SLC39A8: variants seen among roughly 807,000 people sequenced by gnomAD.
The protein encoded by SLC39A8 is metal cation symporter ZIP8.
Under a neutral mutation model 40.4 loss-of-function variants are expected in SLC39A8, and 15 were observed. That is an observed-to-expected ratio of 0.37 (90% CI 0.25 to 0.57). SLC39A8 has a LOEUF of 0.57. Ranked by LOEUF, SLC39A8 falls within the 20% of genes least tolerant of loss-of-function variation. The pLI is 0.75. For missense variants in SLC39A8, 472 were observed against 558.8 expected (o/e 0.84, Z 1.57); for synonymous variants, 223 against 221.6 (o/e 1.01, Z -0.06).
intron 6 of SLC39A8, among the ~76,000 whole-genome samples, chr4:102,284,360 G>T (rs1206202950): frequency 6.6e-6 from 1 of 152,286 alleles, no homozygotes; most frequent in African/African-American, 2.4e-5. Flanking sequence ...GTAACTCTAT[G>T]ATGTTGGGCT....
intron 3 of SLC39A8, 27 bp from the exon 4 acceptor site, chr4:102,307,632 G>A (rs1313782686): frequency 6.2e-7 from 1 of 1,601,558 alleles, no homozygotes; most frequent in Non-Finnish European, 8.5e-7. Flanking sequence ...AAAGAGAGTA[G>A]AAATTAATCA....
chr4:102,259,397 T>C, downstream of SLC39A8: 1 of 1,191,644 alleles, frequency 8.4e-7, no homozygotes, highest in Non-Finnish European at 1.2e-6. Flanking sequence ...ATTAAGCCAT[T>C]GTATAAACTT....
At chr4:102,279,617 G>A (rs771612459) in intron 6 of SLC39A8, among the ~76,000 whole-genome samples, 16 of 152,112 alleles carry the variant, frequency 1.1e-4, no homozygotes, top group Non-Finnish European at 1.8e-4. Context: ...AAATACAGAA[G>A]GTATTGTCGA....
At chr4:102,278,639 G>T (rs1218304447) in intron 6 of SLC39A8, among the ~76,000 whole-genome samples, 1 of 152,090 alleles carries the variant, frequency 6.6e-6, no homozygotes, top group African/African-American at 2.4e-5. Context: ...CTATTACTGG[G>T]TATATACCCA....
In SLC39A8 at chr4:102,293,053, C is replaced by T. The variant is rs1733522561; in HGVS notation, c.840+11264G>A. Among the ~76,000 whole-genome samples, 3 of 151,902 alleles carry T rather than the reference C, an allele frequency of 2.0e-5. No individual in the cohort carries two copies. The South Asian group carries it at 6.2e-4, about 32-fold the overall frequency. The stretch of plus-strand genomic sequence containing the variant: ...ATGTTACTAATTAACACCTAATGAA[C>T]AATGTATAATTCAAAAATGACACAA... On this transcript the variant is annotated intron_variant, in intron 6 of 8. Coordinates refer to ENST00000356736, the MANE Select transcript of SLC39A8 (RefSeq NM_001135146.2).
chr4:102,304,674 T>A (rs747211804), intron 5 of SLC39A8, among the ~76,000 whole-genome samples, 193 bp from the exon 6 acceptor site: 3 of 151,892 alleles, frequency 2.0e-5, no homozygotes, highest in Non-Finnish European at 4.4e-5. Flanking sequence ...CTGCTGTTAC[T>A]GTTTGTTCGT....
At chr4:102,324,648 G>T (rs1371197978) in intron 2 of SLC39A8, among the ~76,000 whole-genome samples, 1 of 152,082 alleles carries the variant, frequency 6.6e-6, no homozygotes, top group Non-Finnish European at 1.5e-5. Context: ...TGCATGCCAG[G>T]TACATAGCAA....
intron 2 of SLC39A8, among the ~76,000 whole-genome samples, chr4:102,328,525 G>A (rs1370759786): frequency 4.0e-5 from 6 of 151,866 alleles, no homozygotes; most frequent in Admixed American, 3.9e-4. Flanking sequence ...AGGTTATGTT[G>A]GTTTAAAATT....
chr4:102,311,665 A>G (rs568965327), intron 3 of SLC39A8, among the ~76,000 whole-genome samples: 1 of 152,244 alleles, frequency 6.6e-6, no homozygotes, highest in Admixed American at 6.5e-5. Flanking sequence ...TCTCCTAGAG[A>G]ATTTAACTTA....
chr4:102,288,717 G>A (rs949362803), intron 6 of SLC39A8, among the ~76,000 whole-genome samples: 1 of 152,228 alleles, frequency 6.6e-6, no homozygotes, highest in South Asian at 2.1e-4. Context: ...TGAGTGGTTT[G>A]GATAGAAGAT....
intron 6 of SLC39A8, among the ~76,000 whole-genome samples, chr4:102,282,157 G>T (rs181757735): frequency 6.6e-6 from 1 of 152,200 alleles, no homozygotes; most frequent in Non-Finnish European, 1.5e-5. Context: ...TGCCAAAGAA[G>T]CTAAGCCTGT....
At chr4:102,320,228 A>ATATATAT (rs1560560989) in intron 2 of SLC39A8, among the ~76,000 whole-genome samples, 7 of 132,898 alleles carry the variant, frequency 5.3e-5, no homozygotes, top group African/African-American at 2.1e-4. Flanking sequence ...TATATGTATG[A>ATATATAT]GTATATATAT....
In SLC39A8 at chr4:102,253,791, A is replaced by G. The variant is rs188711368; in HGVS notation, c.*299-361T>C. ...CTAGAAAATATTTTCCCATATGTAT[A>G]TGTTATATATACATACATACATATA... is the stretch of plus-strand genomic sequence containing the variant. On this transcript the variant is annotated intron_variant and NMD_transcript_variant, in intron 11 of 11. Transcript: ENST00000424970. 2.6e-5 allele frequency among the ~76,000 whole-genome samples: 4 copies of G among 152,278 alleles called. No individual in the cohort carries two copies. The East Asian group carries it at 7.7e-4, about 29-fold the overall frequency.
chr4:102,257,245 C>G (rs1731729093), downstream of SLC39A8, among the ~76,000 whole-genome samples: 1 of 151,614 alleles, frequency 6.6e-6, no homozygotes, highest in African/African-American at 2.4e-5. Flanking sequence ...ACCTCTGCCT[C>G]CCGGGTTCAA....
chr4:102,309,395 C>T (rs1734327519), intron 3 of SLC39A8, among the ~76,000 whole-genome samples: 1 of 152,022 alleles, frequency 6.6e-6, no homozygotes, highest in Non-Finnish European at 1.5e-5. Flanking sequence ...AGTTGCAGGT[C>T]CTGGCCATGC....
chr4:102,323,315 C>G (rs974609640), intron 2 of SLC39A8, among the ~76,000 whole-genome samples: 1 of 152,174 alleles, frequency 6.6e-6, no homozygotes, highest in African/African-American at 2.4e-5. Context: ...CTTCAACAAT[C>G]TCATCATTCA....
Position 102,320,274 on chromosome 4 carries a change from T to TTATATATGAGTATATATATGAGAATA in SLC39A8, c.220-4470_220-4445dup, listed in dbSNP as rs1553916654. On this transcript the variant is annotated intron_variant, in intron 2 of 8. Transcript: ENST00000356736. ...ATATATGAGTATATATATGAGAATA[T>TTATATATGAGTATATATATGAGAATA]TATATATGAGTATATATATGAGAAT... Among the ~76,000 whole-genome samples the TTATATATGAGTATATATATGAGAATA allele has an allele frequency of 1.1e-4, 14 of 126,926 alleles. 1 individual carries two copies. Among genetic ancestry groups the TTATATATGAGTATATATATGAGAATA allele is most frequent in the South Asian group, 2.4e-4 (1 of 4,162 alleles). 83.3% of individuals were successfully genotyped at this position (126,926 alleles called of 152,430 possible). A position where few individuals can be genotyped will look rare whatever the true frequency, so the allele number is the denominator to read the frequency against.
chr4:102,339,073 T>A (rs1342835544), intron 2 of SLC39A8, among the ~76,000 whole-genome samples: 2 of 152,130 alleles, frequency 1.3e-5, no homozygotes, highest in African/African-American at 4.8e-5. Flanking sequence ...GCTCTTGACA[T>A]CACAGTCAAA....
At chr4:102,285,647 GCA>G (rs1157757549) in intron 6 of SLC39A8, among the ~76,000 whole-genome samples, 12 of 139,672 alleles carry the variant, frequency 8.6e-5, no homozygotes, top group Admixed American at 8.4e-4. Context: ...GTGTGTGTGT[GCA>G]TGTGTGTATG....
Sources: allele counts gnomAD v4.1 joint callset (sites outside exome capture counted in the v4.1 genomes callset), GRCh38; gene constraint gnomAD v4.1.1; transcripts MANE v1.5; gene names NCBI Gene and HGNC (gene_info 2026-07-23, HGNC 2026-07-21).